The following BMPER variants were observed in gnomAD, a reference collection of about 807,000 sequenced individuals.
BMPER encodes the protein BMP-binding endothelial regulator protein.
A neutral mutation model predicts 87.3 loss-of-function variants in BMPER; 45 were observed. The observed-to-expected ratio is 0.52, with a 90% CI of 0.41 to 0.66. The LOEUF (loss-of-function observed/expected upper bound fraction) is 0.66. Ranked by LOEUF, BMPER falls within the 30% of genes least tolerant of loss-of-function variation. The pLI is 0.00. For missense variants in BMPER, 784 were observed against 867.5 expected (o/e 0.90, Z 1.21); for synonymous variants, 326 against 316.2 (o/e 1.03, Z -0.33).
intron 3 of BMPER, among the ~76,000 whole-genome samples, chr7:33,949,675 G>T (rs1297629956): frequency 1.3e-5 from 2 of 151,784 alleles, no homozygotes; most frequent in Non-Finnish European, 2.9e-5. Flanking sequence ...GTTAGATTCT[G>T]GAATGCTTGC....
chr7:33,987,658 A>G (rs1239726179), intron 6 of BMPER, among the ~76,000 whole-genome samples: 1 of 151,886 alleles, frequency 6.6e-6, no homozygotes, highest in Non-Finnish European at 1.5e-5. Context: ...AAACATGTCT[A>G]TCACAGAATC....
intron 2 of BMPER, among the ~76,000 whole-genome samples, chr7:33,911,271 C>A (rs1472200483): frequency 2.0e-5 from 3 of 152,186 alleles, no homozygotes; most frequent in Admixed American, 1.3e-4. Flanking sequence ...AAGACTAGTT[C>A]TGAGAGTTAT....
chr7:34,032,105 C>T (rs897818043), intron 6 of BMPER, among the ~76,000 whole-genome samples: 5 of 150,936 alleles, frequency 3.3e-5, no homozygotes, highest in African/African-American at 1.2e-4. Flanking sequence ...CTGTTCTTTT[C>T]ATGAACTCTA....
At chr7:34,012,185 A>T (rs1028046767) in intron 6 of BMPER, among the ~76,000 whole-genome samples, 4 of 151,970 alleles carry the variant, frequency 2.6e-5, no homozygotes, top group Non-Finnish European at 5.9e-5. Flanking sequence ...GCAGAGGCTA[A>T]AAGTTCACAG....
intron 2 of BMPER, among the ~76,000 whole-genome samples, chr7:33,919,997 C>A (rs2128604160): frequency 6.6e-6 from 1 of 152,004 alleles, no homozygotes; most frequent in Middle Eastern, 3.4e-3. Context: ...AGTTTGGAAA[C>A]TACCCTCTAT....
At chr7:34,026,538 C>T (rs1787360348) in intron 6 of BMPER, among the ~76,000 whole-genome samples, 1 of 152,032 alleles carries the variant, frequency 6.6e-6, no homozygotes, top group Non-Finnish European at 1.5e-5. Flanking sequence ...AAACAATGAC[C>T]ATCTTCTGAG....
intron 3 of BMPER, among the ~76,000 whole-genome samples, chr7:33,954,471 A>G (rs1315754611): frequency 6.6e-6 from 1 of 152,124 alleles, no homozygotes; most frequent in African/African-American, 2.4e-5. Context: ...GCCAGGAATG[A>G]CCACGGTGGA....
chr7:34,050,522 A>C (rs1403166539), intron 7 of BMPER, among the ~76,000 whole-genome samples: 5 of 152,164 alleles, frequency 3.3e-5, no homozygotes, highest in African/African-American at 1.2e-4. Flanking sequence ...TCCTACTAAC[A>C]GTTATTCCAA....
At chr7:34,145,821 C>G (rs1023961304) in intron 14 of BMPER, among the ~76,000 whole-genome samples, 1 of 152,102 alleles carries the variant, frequency 6.6e-6, no homozygotes, top group African/African-American at 2.4e-5. Context: ...TCAGTGCACA[C>G]GTTGCATTTG....
At chr7:34,142,314 C>G (rs775932541) in intron 13 of BMPER, among the ~76,000 whole-genome samples, 2 of 152,040 alleles carry the variant, frequency 1.3e-5, no homozygotes, top group Non-Finnish European at 2.9e-5. Context: ...TGACTTTGGG[C>G]CCATGTATTT....
chr7:33,906,691 TA>T, intron 1 of BMPER, 126 bp from the exon 2 acceptor site: 1 of 830,884 alleles, frequency 1.2e-6, no homozygotes, highest in East Asian at 2.7e-5. Flanking sequence ...TTTAATAATT[TA>T]AACCACATTA....
At chr7:33,952,387 A>G (rs1442124747) in intron 3 of BMPER, among the ~76,000 whole-genome samples, 1 of 152,140 alleles carries the variant, frequency 6.6e-6, no homozygotes, top group Non-Finnish European at 1.5e-5. Flanking sequence ...ATCATCTCAA[A>G]GTGTTTTGGA....
chr7:34,107,519 G>A (rs1789851453), intron 13 of BMPER, among the ~76,000 whole-genome samples: 1 of 152,184 alleles, frequency 6.6e-6, no homozygotes, highest in Non-Finnish European at 1.5e-5. Context: ...AACTGGCTAA[G>A]CGAGTCATTT....
chr7:34,051,711 TA>T (rs1788149140), intron 7 of BMPER, 149 bp from the exon 8 acceptor site: 1 of 711,066 alleles, frequency 1.4e-6, no homozygotes, highest in African/African-American at 1.7e-5. Context: ...GGGGATCCTT[TA>T]GGCATGTCTG....
At chr7:34,061,968 A>T in intron 10 of BMPER, 34 bp from the exon 11 acceptor site, 1 of 1,380,816 alleles carries the variant, frequency 7.2e-7, no homozygotes, top group South Asian at 1.3e-5. Flanking sequence ...TTTTTTTTAA[A>T]CAGTAACTTT....
At chr7:33,993,669 C>T (rs1052111608) in intron 6 of BMPER, among the ~76,000 whole-genome samples, 143 of 152,186 alleles carry the variant, frequency 9.4e-4, no homozygotes, top group Admixed American at 1.6e-3. Flanking sequence ...TGAGGAGCTG[C>T]GTTCCTTTGG....
At chr7:34,039,603 T>TACACACAC (rs56214614) in intron 6 of BMPER, among the ~76,000 whole-genome samples, 4,186 of 142,646 alleles carry the variant, frequency 0.029, 100 homozygotes, top group Admixed American at 0.086. Context: ...GACACACAAA[T>TACACACAC]ACACACACAC....
intron 6 of BMPER, among the ~76,000 whole-genome samples, chr7:33,999,609 C>T (rs890557683): frequency 1.3e-5 from 2 of 152,198 alleles, no homozygotes; most frequent in African/African-American, 2.4e-5. Flanking sequence ...CTCTCAGAGC[C>T]TTTCCTTCTG....
chr7:34,033,865 C>G (rs920102078), intron 6 of BMPER, among the ~76,000 whole-genome samples: 3 of 152,204 alleles, frequency 2.0e-5, no homozygotes, highest in Non-Finnish European at 4.4e-5. Flanking sequence ...AAACTTCTAT[C>G]CTTCTAGTTA....
Sources: gnomAD v4.1 joint callset for allele counts (sites outside exome capture counted in the v4.1 genomes callset) on GRCh38, gnomAD v4.1.1 for gene constraint, MANE v1.5 for transcripts, NCBI Gene and HGNC (gene_info 2026-07-23, HGNC 2026-07-21) for gene names.